Variants in NEURL4 observed in about 807,000 individuals in gnomAD.
NEURL4 encodes the protein neuralized E3 ubiquitin protein ligase 4, also known as neuralized-like protein 4.
A neutral mutation model predicts 148.0 loss-of-function variants in NEURL4; 45 were observed. That is an observed-to-expected ratio of 0.30 (90% CI 0.24 to 0.39). The LOEUF (loss-of-function observed/expected upper bound fraction) is 0.39, where lower values mean the gene tolerates loss of function less well. Ranked by LOEUF, NEURL4 falls within the 10% of genes least tolerant of loss-of-function variation. NEURL4 has a pLI of 1.00. For missense variants in NEURL4, 1,776 were observed against 2,144.0 expected, an observed-to-expected ratio of 0.83 and a Z score of 3.39; for synonymous variants, 854 against 869.0, an observed-to-expected ratio of 0.98 and a Z score of 0.30.
Position 7,315,857 on chromosome 17 carries a change from T to G in NEURL4, c.*266A>C. ...GTAGGGGAGTAAAAGGGAGTCATGT[T>G]CCCCAAATCAGTGCATGAAGAGGGG... On this transcript the variant is annotated 3_prime_UTR_variant, in exon 29 of 29. Coordinates refer to ENST00000399464, the MANE Select transcript of NEURL4 (RefSeq NM_032442.3). 3.6e-6 allele frequency: 2 copies of G among 553,818 alleles called. No homozygotes were observed. The highest frequency in any genetic ancestry group is 6.4e-6 in the Non-Finnish European group (2 of 312,706). 34.3% of individuals were successfully genotyped at this position (553,818 alleles called of 1,614,324 possible).
At position 7,322,999 on chromosome 17, in the gene NEURL4, T is replaced by C; in HGVS notation, c.2542A>G (p.Ile848Val). The C allele has an allele frequency of 1.2e-6, 2 of 1,613,724 alleles. No homozygotes were observed. The highest frequency in any genetic ancestry group is 1.7e-5 in the Admixed American group (1 of 60,010). Residue 848 changes from isoleucine (I) to valine (V), a missense_variant, in exon 15 of 29, where the codon ATC becomes GTC. Coordinates refer to ENST00000399464, the MANE Select transcript of NEURL4 (RefSeq NM_032442.3). The surrounding 1 kb of genome is among the most constrained non-coding windows in gnomAD (Gnocchi z 5.5). ...RTAKGDLHYF[I>V]NGQDQGAACS... is the part of the protein sequence containing the mutation. ...GCAGCGCCTTGGTCCTGGCCGTTGA[T>C]GAAGTAGTGCAGGTCGCCCTTGGCA...
chr17:7,321,623 A>G lies in NEURL4; in HGVS notation c.3036T>C (p.Cys1012=). Residue 1012 remains cysteine, a synonymous_variant, in exon 18 of 29, where the codon TGT becomes TGC. Transcript: ENST00000399464. This position sits in a 1 kb window ranked among gnomAD's most constrained non-coding sequence, Gnocchi z 6.3. ...RTKTTWMVSS[C]EVRRDGQLQR... ...GGAGCTGCCCATCACGCCTCACTTC[A>G]CAGCTGGATACCATCCAAGTGGTCT... The G allele has an allele frequency of 1.2e-6, 2 of 1,613,868 alleles. No individual in the cohort carries two copies. The highest frequency in any genetic ancestry group is 2.2e-5 in the South Asian group (2 of 91,078).
Position 7,327,300 on chromosome 17 carries a change from C to G in NEURL4, c.728-70G>C. ...GCTTCACGGCCCATAGCCAGGAGAA[C>G]CCCCCATCCTCTAGCTCCTGCTCTC... On this transcript the variant is annotated intron_variant, in intron 2 of 28. Coordinates refer to ENST00000399464, the MANE Select transcript of NEURL4 (RefSeq NM_032442.3). The surrounding 1 kb of genome is among the most constrained non-coding windows in gnomAD (Gnocchi z 6.6). 2.7e-6 allele frequency: 4 copies of G among 1,480,298 alleles called. No homozygotes were observed. In the South Asian group the frequency reaches 3.9e-5, roughly 15 times the overall value. 91.7% of individuals were successfully genotyped at this position (1,480,298 alleles called of 1,614,324 possible). A position where few individuals can be genotyped will look rare whatever the true frequency, so the allele number is the denominator to read the frequency against.
rs1425909212 is a variant in NEURL4 at position 7,327,819 on chromosome 17, A to G, written c.348T>C (p.Phe116=). The part of the protein sequence containing the change: ...VTALDPSVLD[F]PSSATGLKGG... ...CCTTCAGGCCCGTGGCACTGCTTGG[A>G]AAGTCCAGCACACTGGGGTCCAGCG... Residue 116 remains phenylalanine (F), a synonymous_variant, in exon 2 of 29, where the codon TTT becomes TTC. Transcript: ENST00000399464. This position sits in a 1 kb window ranked among gnomAD's most constrained non-coding sequence, Gnocchi z 6.6. 1 of 1,613,834 alleles carries G rather than the reference A, an allele frequency of 6.2e-7. No homozygotes were observed. Among genetic ancestry groups the G allele is most frequent in the Non-Finnish European group, 8.5e-7 (1 of 1,179,998 alleles).
At chr17:7,317,061 GAAGA>G (rs761818371) in intron 28 of NEURL4, 140 bp downstream of exon 28, 12 of 519,886 alleles carry the variant, frequency 2.3e-5, no homozygotes, top group Non-Finnish European at 3.6e-5. Flanking sequence ...TTCAATGAAT[GAAGA>G]AAGGGCTGAG....
chr17:7,317,628 A>G, intron 26 of NEURL4, 55 bp from the exon 27 acceptor site: 1 of 1,567,042 alleles, frequency 6.4e-7, no homozygotes, highest in South Asian at 1.1e-5. Context: ...TCCCCAGTGG[A>G]GGAGCTTCAC....
chr17:7,318,645 G>A lies in NEURL4; in HGVS notation c.3714C>T (p.Asp1238=). Residue 1238 remains aspartate, a synonymous_variant, in exon 23 of 29, where the codon GAC becomes GAT. Transcript: ENST00000399464. The surrounding 1 kb of genome is among the most constrained non-coding windows in gnomAD (Gnocchi z 4.3). ...CCAGGATGGTGCCTTCAGGGCACGT[G>A]TCCAGATTGGGCCCAAACTTCTCGC... The part of the protein sequence containing the change: ...KICEKFGPNL[D]TCPEGTILGL... 1 of 1,612,186 alleles carries A rather than the reference G, an allele frequency of 6.2e-7. No homozygotes were observed. The highest frequency in any genetic ancestry group is 1.1e-5 in the South Asian group (1 of 90,892).
chr17:7,328,486 C>T (rs1213582280), intron 1 of NEURL4, among the ~76,000 whole-genome samples: 1 of 152,206 alleles, frequency 6.6e-6, no homozygotes, highest in Non-Finnish European at 1.5e-5. Context: ...TCACTGCAAC[C>T]TCTGCCTCCC....
In NEURL4 at chr17:7,317,639, G is replaced by C. The variant is rs117558598; in HGVS notation, c.4206-66C>G. On this transcript the variant is annotated intron_variant, in intron 26 of 28. Coordinates refer to ENST00000399464, the MANE Select transcript of NEURL4 (RefSeq NM_032442.3). ...TGACTCCCCAGTGGAGGAGCTTCAC[G>C]AGGCTCTTCCTTAGACAGGAAGTCC... is the stretch of plus-strand genomic sequence containing the variant. 25 of 1,567,350 alleles carry C rather than the reference G, an allele frequency of 1.6e-5. No individual in the cohort carries two copies. In the East Asian group the frequency reaches 5.6e-4, roughly 35 times the overall value.
chr17:7,316,056 G>C lies in NEURL4; in HGVS notation c.*67C>G. ...CCACGAGTCACGGGAATGAGGTGGAGGCAGTCGCCACTCAGAGTCCATGGG... is the reference window on the plus strand; with the variant it reads ...CCACGAGTCACGGGAATGAGGTGGACGCAGTCGCCACTCAGAGTCCATGGG... On this transcript the variant is annotated 3_prime_UTR_variant, in exon 29 of 29. Transcript: ENST00000399464. 3 of 867,752 alleles carry C rather than the reference G, an allele frequency of 3.5e-6. No individual in the cohort carries two copies. The South Asian group carries it at 4.0e-5, about 12-fold the overall frequency. 53.8% of individuals were successfully genotyped at this position (867,752 alleles called of 1,614,324 possible).
chr17:7,326,890 CGCTAGATCCCAGGCCT>C lies in NEURL4; in HGVS notation c.897_912del (p.Gly300ValfsTer48). ...GTGAGAATGGGCGAGGTGGCAGCAC[CGCTAGATCCCAGGCCT>C]TCCCCTGCCGGTGGGGAGCTCAGGT... On this transcript the variant is annotated frameshift_variant, in exon 4 of 29. Transcript: ENST00000399464. LOFTEE classifies it high-confidence loss of function. This position sits in a 1 kb window ranked among gnomAD's most constrained non-coding sequence, Gnocchi z 6.0. The C allele has an allele frequency of 6.2e-7, 1 of 1,613,998 alleles. No individual in the cohort carries two copies. The highest frequency in any genetic ancestry group is 1.1e-5 in the South Asian group (1 of 91,082).
Position 7,324,005 on chromosome 17 carries a change from A to T in NEURL4, c.2070T>A (p.Ala690=), listed in dbSNP as rs569098219. 3 of 1,609,564 alleles carry T rather than the reference A, an allele frequency of 1.9e-6. No homozygotes were observed. In the African/African-American group the frequency reaches 4.0e-5, roughly 21 times the overall value. The part of the protein sequence containing the change: ...QATIVDDVEV[A]PVPEPLPEGN... ...CCTCAGGGAGTGGTTCAGGAACTGGAGCCACCTCTGTAAAAGTGGACATCA... is the reference window on the plus strand; with the variant it reads ...CCTCAGGGAGTGGTTCAGGAACTGGTGCCACCTCTGTAAAAGTGGACATCA... Residue 690 remains alanine, a synonymous_variant, in exon 12 of 29, where the codon GCT becomes GCA. Transcript: ENST00000399464. The surrounding 1 kb of genome is among the most constrained non-coding windows in gnomAD (Gnocchi z 5.9).
In NEURL4 at chr17:7,323,461, G is replaced by T. The variant is rs768508401; in HGVS notation, c.2417+24C>A. The T allele has an allele frequency of 3.1e-6, 5 of 1,612,388 alleles. No homozygotes were observed. In the Admixed American group the frequency reaches 8.3e-5, roughly 27 times the overall value. Reference sequence around the variant, plus strand: ...AGCCAGCTCCACTCAGCCCCAAGCTGGTCCCCAAAGCAGGAAGCCCAACCT... The same window carrying T: ...AGCCAGCTCCACTCAGCCCCAAGCTTGTCCCCAAAGCAGGAAGCCCAACCT... On this transcript the variant is annotated intron_variant, in intron 14 of 28. Transcript: ENST00000399464.
In NEURL4 at chr17:7,326,149, G is replaced by T; in HGVS notation, c.1293+106C>A. ...GGAACCTTTAGGTGGAAGATACAGG[G>T]ACTGCCTCTAGGTCACATAGGAGAC... On this transcript the variant is annotated intron_variant, in intron 6 of 28. Coordinates refer to ENST00000399464, the MANE Select transcript of NEURL4 (RefSeq NM_032442.3). This position sits in a 1 kb window ranked among gnomAD's most constrained non-coding sequence, Gnocchi z 6.0. The T allele has an allele frequency of 9.7e-7, 1 of 1,029,062 alleles. No individual in the cohort carries two copies. Among genetic ancestry groups the T allele is most frequent in the South Asian group, 1.4e-5 (1 of 72,490 alleles). 63.7% of individuals were successfully genotyped at this position (1,029,062 alleles called of 1,614,324 possible).
At position 7,325,376 on chromosome 17, in the gene NEURL4, A is replaced by C; in HGVS notation, c.1464T>G (p.Ser488Arg). The C allele has an allele frequency of 1.2e-6, 2 of 1,613,356 alleles. No homozygotes were observed. The highest frequency in any genetic ancestry group is 1.7e-6 in the Non-Finnish European group (2 of 1,179,974). The change falls in exon 8 of 29, where the codon AGT becomes AGG. Residue 488 changes from serine to arginine, a missense_variant. Physicochemically the swap from Ser to Arg is moderately radical, Grantham distance 110. Transcript: ENST00000399464. ...KVTIVHNNNH[S>R]DRLRRNNAIL... is the part of the protein sequence containing the mutation. ...TGGCGTTGTTTCGGCGGAGACGGTC[A>C]CTGTGGTTGTTATTGTGGACGATGG...
intron 1 of NEURL4, among the ~76,000 whole-genome samples, chr17:7,328,751 G>T (rs1249254172): frequency 1.3e-5 from 2 of 152,194 alleles, no homozygotes; most frequent in African/African-American, 4.8e-5. Context: ...CCATGCCCAA[G>T]AAATTGTACC....
In NEURL4 at chr17:7,316,042, G is replaced by T; in HGVS notation, c.*81C>A. The T allele has an allele frequency of 2.5e-6, 2 of 811,478 alleles. No individual in the cohort carries two copies. Among genetic ancestry groups the T allele is most frequent in the East Asian group, 2.4e-5 (1 of 40,964 alleles). The allele number at this position is 811,478 out of a possible 1,614,324, so 50.3% of individuals were successfully genotyped here. ...AGCACCTGCGCATGCCACGAGTCAC[G>T]GGAATGAGGTGGAGGCAGTCGCCAC... is the stretch of plus-strand genomic sequence containing the variant. On this transcript the variant is annotated 3_prime_UTR_variant, in exon 29 of 29. Transcript: ENST00000399464.
At position 7,326,629 on chromosome 17, in the gene NEURL4, C is replaced by T; in HGVS notation, c.1093-81G>A. On this transcript the variant is annotated intron_variant, in intron 4 of 28. Transcript: ENST00000399464. This position sits in a 1 kb window ranked among gnomAD's most constrained non-coding sequence, Gnocchi z 6.0. ...TCAGCCCTTGGTTCTTCCCCAGGGC[C>T]CACCCTCCTAGCACCAAGGGTCAAT... 6.2e-7 allele frequency: 1 copy of T among 1,603,354 alleles called. No individual in the cohort carries two copies. The highest frequency in any genetic ancestry group is 2.2e-5 in the East Asian group (1 of 44,734).
Position 7,321,800 on chromosome 17 carries a change from G to A in NEURL4, c.2872-13C>T, listed in dbSNP as rs1371991485. ...CTTCCACTTTCACCTACGAGACAGA[G>A]AAAACATAAGCTGGCCCTGTCGTGA... On this transcript the variant is annotated splice_polypyrimidine_tract_variant and intron_variant, in intron 17 of 28. Transcript: ENST00000399464. This position sits in a 1 kb window ranked among gnomAD's most constrained non-coding sequence, Gnocchi z 6.3. 9.9e-6 allele frequency: 16 copies of A among 1,612,526 alleles called. No individual in the cohort carries two copies. The highest frequency in any genetic ancestry group is 1.4e-5 in the Non-Finnish European group (16 of 1,179,202).
Sources: gnomAD v4.1 joint callset for allele counts (sites outside exome capture counted in the v4.1 genomes callset) on GRCh38, gnomAD v4.1.1 for gene constraint, Gnocchi (gnomAD v3.1) non-coding constraint, MANE v1.5 for transcripts, NCBI Gene and HGNC (gene_info 2026-07-23, HGNC 2026-07-21) for gene names.